The following MAGI2 variants were observed in gnomAD, a reference collection of about 807,000 sequenced individuals.
MAGI2 encodes the protein membrane associated guanylate kinase, WW and PDZ domain containing 2.
Under a neutral mutation model 133.3 loss-of-function variants are expected in MAGI2, and 35 were observed. That is an observed-to-expected ratio of 0.26 (90% CI 0.20 to 0.35). The LOEUF (loss-of-function observed/expected upper bound fraction) is 0.35. Among genes scored for constraint, MAGI2 ranks in the 10% least tolerant of loss-of-function variants. The pLI is 1.00. For missense variants in MAGI2, 1,636 were observed against 1,863.4 expected, an observed-to-expected ratio of 0.88 and a Z score of 2.25; for synonymous variants, 729 against 710.6, an observed-to-expected ratio of 1.03 and a Z score of -0.41.
intron 1 of MAGI2, among the ~76,000 whole-genome samples, chr7:79,387,474 A>G (rs923672652): frequency 1.4e-4 from 21 of 152,224 alleles, no homozygotes; most frequent in Non-Finnish European, 2.8e-4. Context: ...GTTTACTATC[A>G]ATGGCTTAAA....
At chr7:78,946,961 A>G (rs1801466540) in intron 2 of MAGI2, 1 of 152,116 alleles carries the variant, frequency 6.6e-6, no homozygotes, top group Non-Finnish European at 1.5e-5. Flanking sequence ...TAAGAGACAA[A>G]TGAATTTTAT....
intron 3 of MAGI2, among the ~76,000 whole-genome samples, chr7:78,562,626 T>C (rs1295936384): frequency 6.6e-6 from 1 of 152,236 alleles, no homozygotes; most frequent in South Asian, 2.1e-4. Flanking sequence ...AATCATACTA[T>C]ATCTAGTTGA....
At chr7:78,380,142 A>AACACAC (rs3061267) in intron 6 of MAGI2, among the ~76,000 whole-genome samples, 7 of 149,064 alleles carry the variant, frequency 4.7e-5, no homozygotes, top group African/African-American at 1.7e-4. Flanking sequence ...CTCTAGGGAC[A>AACACAC]ACACACACAC....
intron 2 of MAGI2, among the ~76,000 whole-genome samples, chr7:78,794,247 C>A (rs965646980): frequency 6.6e-6 from 1 of 152,166 alleles, no homozygotes; most frequent in Non-Finnish European, 1.5e-5. Context: ...TCCTGAGATG[C>A]GGGCTCAGCT....
chr7:79,071,985 G>A (rs1220439931), intron 1 of MAGI2, among the ~76,000 whole-genome samples: 1 of 152,106 alleles, frequency 6.6e-6, no homozygotes, highest in Middle Eastern at 3.2e-3. Context: ...GCAGTATCTG[G>A]GCTAGAGTGC....
chr7:78,670,721 G>C (rs1046216623), intron 2 of MAGI2, among the ~76,000 whole-genome samples: 6 of 152,124 alleles, frequency 3.9e-5, no homozygotes, highest in African/African-American at 1.4e-4. Flanking sequence ...TACCAAAACA[G>C]AGATATAGAT....
Position 79,316,770 on chromosome 7 carries a change from G to C in MAGI2, c.301+136250C>G, listed in dbSNP as rs549198156. Among the ~76,000 whole-genome samples the C allele has an allele frequency of 3.9e-5, 6 of 152,176 alleles. No homozygotes were observed. The South Asian group carries it at 1.0e-3, about 26-fold the overall frequency. On this transcript the variant is annotated intron_variant, in intron 1 of 21. Transcript: ENST00000354212. ...CTAACATTTATTAAGTGCAAATTAT[G>C]TGGTGGGCACTCTGCAAAGTCCTTT...
intron 1 of MAGI2, among the ~76,000 whole-genome samples, chr7:79,339,160 T>A (rs972309879): frequency 1.3e-5 from 2 of 152,122 alleles, no homozygotes; most frequent in African/African-American, 4.8e-5. Flanking sequence ...ACCTCATTAC[T>A]CTATTTAAAG....
chr7:78,288,132 T>G (rs979539595), intron 9 of MAGI2, among the ~76,000 whole-genome samples: 2 of 152,154 alleles, frequency 1.3e-5, no homozygotes, highest in East Asian at 3.9e-4. Context: ...ATAAGCAGAA[T>G]AGAAAACATT....
chr7:78,190,369 A>G (rs977331895), intron 12 of MAGI2, among the ~76,000 whole-genome samples: 2 of 152,230 alleles, frequency 1.3e-5, no homozygotes, highest in East Asian at 1.9e-4. Context: ...TAGGTATTAC[A>G]CTTTTTATTC....
At chr7:78,859,223 C>A (rs926305439) in intron 2 of MAGI2, among the ~76,000 whole-genome samples, 4 of 152,158 alleles carry the variant, frequency 2.6e-5, no homozygotes, top group East Asian at 1.9e-4. Flanking sequence ...TTAATTGGAG[C>A]ATTTAGCCCA....
chr7:78,546,928 C>T (rs1798897151), intron 3 of MAGI2, among the ~76,000 whole-genome samples: 1 of 152,142 alleles, frequency 6.6e-6, no homozygotes. Context: ...CATGGTTAAG[C>T]AACTAGTAAA....
At chr7:78,903,621 T>C (rs908957420) in intron 2 of MAGI2, among the ~76,000 whole-genome samples, 1 of 152,196 alleles carries the variant, frequency 6.6e-6, no homozygotes, top group African/African-American at 2.4e-5. Context: ...CCATAGCTTT[T>C]ATTCTTTATC....
At chr7:78,021,550 A>C (rs899938389) in intron 21 of MAGI2, among the ~76,000 whole-genome samples, 1 of 152,262 alleles carries the variant, frequency 6.6e-6, no homozygotes, top group Non-Finnish European at 1.5e-5. Flanking sequence ...TGATTTATAA[A>C]GCAATAAGGA....
At chr7:79,050,906 C>T (rs1812616676) in intron 1 of MAGI2, among the ~76,000 whole-genome samples, 1 of 152,000 alleles carries the variant, frequency 6.6e-6, no homozygotes, top group Non-Finnish European at 1.5e-5. Context: ...CATCTAAAGA[C>T]TTGTTATTCT....
chr7:78,125,616 T>C (rs979337256), intron 20 of MAGI2, 78 bp downstream of exon 20: 83 of 1,465,994 alleles, frequency 5.7e-5, no homozygotes, highest in Non-Finnish European at 7.4e-5. Flanking sequence ...CTTGACAGCA[T>C]GCTTCAGTAC....
chr7:79,341,569 T>G (rs1293299307), intron 1 of MAGI2, among the ~76,000 whole-genome samples: 1 of 152,196 alleles, frequency 6.6e-6, no homozygotes, highest in South Asian at 2.1e-4. Context: ...CATATTTTCC[T>G]GTCATTTGAG....
chr7:78,860,763 C>T (rs1318242440), intron 2 of MAGI2, among the ~76,000 whole-genome samples: 1 of 152,178 alleles, frequency 6.6e-6, no homozygotes, highest in Non-Finnish European at 1.5e-5. Flanking sequence ...CCACTACTCT[C>T]TTCAAAGCTG....
intron 1 of MAGI2, among the ~76,000 whole-genome samples, chr7:79,033,376 C>A (rs1279059767): frequency 2.0e-5 from 3 of 152,078 alleles, no homozygotes; most frequent in African/African-American, 7.2e-5. Context: ...TTGGTTTTGA[C>A]TTTTTGTTTG....
Sources: allele counts gnomAD v4.1 joint callset (sites outside exome capture counted in the v4.1 genomes callset), GRCh38; gene constraint gnomAD v4.1.1; transcripts MANE v1.5; gene names NCBI Gene and HGNC (gene_info 2026-07-23, HGNC 2026-07-21).